Variants in SSBP2 observed in about 807,000 individuals in gnomAD.
SSBP2 encodes the protein single-stranded DNA-binding protein 2.
A neutral mutation model predicts 61.8 loss-of-function variants in SSBP2; 17 were observed. The ratio of observed to expected loss-of-function variants is 0.28; its 90% CI spans 0.19 to 0.41. The LOEUF (loss-of-function observed/expected upper bound fraction) is 0.41. Among genes scored for constraint, SSBP2 ranks in the 10% least tolerant of loss-of-function variants. SSBP2 has a pLI of 1.00. For synonymous variants in SSBP2, 139 were observed against 141.3 expected (o/e 0.98, Z 0.12); for missense variants, 310 against 458.7 (o/e 0.68, Z 2.96).
intron 16 of SSBP2, among the ~76,000 whole-genome samples, chr5:81,421,023 T>C (rs1229768423): frequency 2.0e-5 from 3 of 152,168 alleles, no homozygotes; most frequent in African/African-American, 7.2e-5. Context: ...ACCATGTATT[T>C]ATTGAATACA....
At chr5:81,585,796 C>T (rs1177556529) in intron 4 of SSBP2, among the ~76,000 whole-genome samples, 1 of 152,096 alleles carries the variant, frequency 6.6e-6, no homozygotes, top group Non-Finnish European at 1.5e-5. Flanking sequence ...GATCCTTTGA[C>T]CAGCATCTCC....
chr5:81,689,516 A>G (rs1356794927), intron 1 of SSBP2, among the ~76,000 whole-genome samples: 1 of 152,074 alleles, frequency 6.6e-6, no homozygotes, highest in African/African-American at 2.4e-5. Context: ...TACATCTGAC[A>G]GCAGATTTCT....
chr5:81,421,735 G>T (rs1207311382), intron 16 of SSBP2, among the ~76,000 whole-genome samples: 1 of 152,208 alleles, frequency 6.6e-6, no homozygotes, highest in Non-Finnish European at 1.5e-5. Flanking sequence ...GCAGCACCAT[G>T]CAAGAGAACT....
At chr5:81,579,081 G>A (rs1439314441) in intron 4 of SSBP2, among the ~76,000 whole-genome samples, 1 of 152,028 alleles carries the variant, frequency 6.6e-6, no homozygotes, top group Non-Finnish European at 1.5e-5. Flanking sequence ...TGGCAACAGG[G>A]AAGGTAGCAA....
chr5:81,696,026 CAG>C (rs750283596), intron 1 of SSBP2, among the ~76,000 whole-genome samples: 9 of 152,054 alleles, frequency 5.9e-5, no homozygotes, highest in Non-Finnish European at 8.8e-5. Context: ...TATAAGGAAA[CAG>C]AGTACAGGCA....
At chr5:81,471,338 T>C (rs11739075) in intron 8 of SSBP2, among the ~76,000 whole-genome samples, 68,383 of 151,660 alleles carry the variant, frequency 0.45, 19,651 homozygotes, top group African/African-American at 0.82. Flanking sequence ...TTAAATCAGA[T>C]TCTAGTTTTT....
intron 2 of SSBP2, among the ~76,000 whole-genome samples, chr5:81,640,319 G>A (rs367841449): frequency 1.3e-5 from 2 of 152,018 alleles, no homozygotes; most frequent in Admixed American, 6.6e-5. Flanking sequence ...CAGCCTGGGC[G>A]ACAGAGTGAG....
chr5:81,697,160 T>C (rs1328744801), intron 1 of SSBP2, among the ~76,000 whole-genome samples: 1 of 152,258 alleles, frequency 6.6e-6, no homozygotes, highest in Admixed American at 6.5e-5. Flanking sequence ...CTGTCAAAAA[T>C]TCGGCTGTCC....
intron 13 of SSBP2, 119 bp from the exon 14 acceptor site, chr5:81,440,755 G>T: frequency 2.9e-6 from 2 of 684,390 alleles, no homozygotes; most frequent in Non-Finnish European, 4.8e-6. Flanking sequence ...TTCAAGCTAT[G>T]GAGATCTTTT....
intron 1 of SSBP2, 123 bp downstream of exon 1, chr5:81,750,858 C>A (rs993094983): frequency 3.6e-6 from 4 of 1,123,668 alleles, no homozygotes; most frequent in Admixed American, 2.1e-5. Flanking sequence ...CACCCCTCCC[C>A]CTGCCAGCCC....
At chr5:81,425,053 T>C (rs1341007121) in intron 16 of SSBP2, among the ~76,000 whole-genome samples, 1 of 152,216 alleles carries the variant, frequency 6.6e-6, no homozygotes, top group African/African-American at 2.4e-5. Flanking sequence ...AATGTAACCC[T>C]TAAAGATATT....
At position 81,663,010 on chromosome 5, in the gene SSBP2, A is replaced by G. The variant is rs183079373; in HGVS notation, c.63-12671T>C. ...ATTACAGATTCTGAACCATTCTTGT[A>G]AACGAATGAATGTACAGTCTGGGAA... On this transcript the variant is annotated intron_variant, in intron 1 of 16. Transcript: ENST00000320672. Among the ~76,000 whole-genome samples, 159 of 152,316 alleles carry G rather than the reference A, an allele frequency of 1.0e-3. 1 individual carries two copies. Among genetic ancestry groups the G allele is most frequent in the Middle Eastern group, 3.4e-3 (1 of 294 alleles).
chr5:81,745,693 T>C (rs1328643914), intron 1 of SSBP2, among the ~76,000 whole-genome samples: 5 of 152,114 alleles, frequency 3.3e-5, no homozygotes, highest in South Asian at 2.1e-4. Flanking sequence ...TTTTAAATTA[T>C]ATATTCCTAG....
intron 5 of SSBP2, among the ~76,000 whole-genome samples, chr5:81,509,026 A>T (rs1580872159): frequency 6.6e-6 from 1 of 152,316 alleles, no homozygotes; most frequent in Non-Finnish European, 1.5e-5. Context: ...AGTCAAAGGC[A>T]ATAGGAGGTA....
At chr5:81,534,396 C>T (rs182281561) in intron 4 of SSBP2, among the ~76,000 whole-genome samples, 5 of 152,022 alleles carry the variant, frequency 3.3e-5, no homozygotes, top group South Asian at 2.1e-4. Context: ...GATAAGGGAG[C>T]GATGTTGGAA....
At chr5:81,427,904 A>T (rs1762052900) in intron 16 of SSBP2, among the ~76,000 whole-genome samples, 1 of 152,206 alleles carries the variant, frequency 6.6e-6, no homozygotes. Context: ...TGGGGTTTCT[A>T]ATGTGAAATA....
chr5:81,432,230 C>T (rs1554062508), intron 15 of SSBP2, among the ~76,000 whole-genome samples: 16 of 147,116 alleles, frequency 1.1e-4, no homozygotes, highest in Non-Finnish European at 2.4e-4. Flanking sequence ...GTGTAGATCT[C>T]TAGTCATCTA....
chr5:81,438,014 C>A (rs1027332982), intron 14 of SSBP2, among the ~76,000 whole-genome samples: 5 of 151,778 alleles, frequency 3.3e-5, no homozygotes, highest in African/African-American at 9.7e-5. Context: ...TTATTTTGAT[C>A]CTTGGAAGAA....
chr5:81,675,858 C>T (rs1751934463), intron 1 of SSBP2, among the ~76,000 whole-genome samples: 1 of 152,166 alleles, frequency 6.6e-6, no homozygotes, highest in Non-Finnish European at 1.5e-5. Context: ...GTTCTTCCTA[C>T]ATGCTTTTCT....
Sources: gnomAD v4.1 joint callset for allele counts (sites outside exome capture counted in the v4.1 genomes callset) on GRCh38, gnomAD v4.1.1 for gene constraint, MANE v1.5 for transcripts, NCBI Gene and HGNC (gene_info 2026-07-23, HGNC 2026-07-21) for gene names.